ZBTB16: variants seen among roughly 807,000 people sequenced by gnomAD.
ZBTB16 encodes zinc finger and BTB domain containing 16, also known as zinc finger and BTB domain-containing protein 16.
Under a neutral mutation model 56.8 loss-of-function variants are expected in ZBTB16, and 8 were observed. The ratio of observed to expected loss-of-function variants is 0.14; its 90% CI spans 0.08 to 0.25. ZBTB16 has a LOEUF of 0.25. Ranked by LOEUF, ZBTB16 falls within the 10% of genes least tolerant of loss-of-function variation. The probability of loss-of-function intolerance (pLI) is 1.00; values close to 1 mark genes in which losing one functional copy is unlikely to be tolerated. For missense variants in ZBTB16, 625 were observed against 903.0 expected (o/e 0.69, Z 3.95); for synonymous variants, 363 against 368.5 (o/e 0.98, Z 0.17).
intron 2 of ZBTB16, among the ~76,000 whole-genome samples, chr11:114,140,449 T>G (rs1941916320): frequency 6.6e-6 from 1 of 152,212 alleles, no homozygotes; most frequent in Admixed American, 6.5e-5. Context: ...AATAAATACC[T>G]ATCAATCAAT....
intron 2 of ZBTB16, among the ~76,000 whole-genome samples, chr11:114,108,147 C>G (rs544671089): frequency 6.6e-6 from 1 of 152,058 alleles, no homozygotes; most frequent in African/African-American, 2.4e-5. Flanking sequence ...ATTTAAACTT[C>G]TGTGTGTAAG....
chr11:114,068,559 C>A (rs538265918), intron 2 of ZBTB16, among the ~76,000 whole-genome samples: 3 of 152,306 alleles, frequency 2.0e-5, no homozygotes, highest in South Asian at 4.1e-4. Context: ...TCCAATGGGA[C>A]TGACTTACCT....
intron 2 of ZBTB16, among the ~76,000 whole-genome samples, chr11:114,125,301 A>G (rs556167002): frequency 1.3e-5 from 2 of 152,200 alleles, no homozygotes; most frequent in Non-Finnish European, 2.9e-5. Flanking sequence ...GAGAGCACCC[A>G]TATCACCTTA....
At chr11:114,118,485 G>A (rs574537811) in intron 2 of ZBTB16, among the ~76,000 whole-genome samples, 1 of 152,124 alleles carries the variant, frequency 6.6e-6, no homozygotes, top group East Asian at 1.9e-4. Flanking sequence ...CCAGGCTAGA[G>A]TTTTGGGAAG....
At chr11:114,129,807 C>A (rs1048507491) in intron 2 of ZBTB16, among the ~76,000 whole-genome samples, 2 of 152,220 alleles carry the variant, frequency 1.3e-5, no homozygotes, top group Non-Finnish European at 2.9e-5. Flanking sequence ...TATCTCTGTT[C>A]CTATTTCATT....
chr11:114,129,410 C>A (rs1941602523), intron 2 of ZBTB16, among the ~76,000 whole-genome samples: 1 of 152,168 alleles, frequency 6.6e-6, no homozygotes, highest in East Asian at 1.9e-4. Flanking sequence ...AAAACGATGC[C>A]CCTTTGCAGC....
intron 4 of ZBTB16, among the ~76,000 whole-genome samples, chr11:114,235,437 T>C (rs531802858): frequency 6.6e-6 from 1 of 152,338 alleles, no homozygotes; most frequent in African/African-American, 2.4e-5. Flanking sequence ...TCCTCTTCCT[T>C]CCCATCTATT....
At chr11:114,245,439 A>G (rs1203799527) in intron 5 of ZBTB16, among the ~76,000 whole-genome samples, 3 of 152,160 alleles carry the variant, frequency 2.0e-5, no homozygotes, top group African/African-American at 7.2e-5. Flanking sequence ...TCTTCCACCC[A>G]TGAGAAAGTC....
chr11:114,248,835 G>C (rs188535492), intron 6 of ZBTB16, among the ~76,000 whole-genome samples: 11 of 152,308 alleles, frequency 7.2e-5, no homozygotes, highest in African/African-American at 2.6e-4. Flanking sequence ...ATGTGACCTG[G>C]CAGGTGGATC....
intron 2 of ZBTB16, among the ~76,000 whole-genome samples, chr11:114,079,664 T>A: frequency 6.6e-6 from 1 of 152,216 alleles, no homozygotes; most frequent in East Asian, 1.9e-4. Flanking sequence ...ATGGTCAAAA[T>A]AATGCAGTAG....
At chr11:114,237,405 C>G (rs1944614503) in intron 4 of ZBTB16, 1 of 152,250 alleles carries the variant, frequency 6.6e-6, no homozygotes, top group South Asian at 2.1e-4. Flanking sequence ...TGTGGACCAT[C>G]TGACTTCTGA....
rs549094592 is a variant in ZBTB16 at position 114,207,350 on chromosome 11, G to C, written c.1453+20312G>C. 2.4e-4 allele frequency among the ~76,000 whole-genome samples: 37 copies of C among 152,170 alleles called. 1 individual carries two copies. The South Asian group carries it at 6.9e-3, about 28-fold the overall frequency. On this transcript the variant is annotated intron_variant, in intron 4 of 6. Transcript: ENST00000335953. ...ATGGATGTATTTTCAAGCTCCCCAG[G>C]AGATTCCTATGGATAACCAGGGTTT...
chr11:114,204,971 A>T (rs1389700468), intron 4 of ZBTB16, among the ~76,000 whole-genome samples: 1 of 152,214 alleles, frequency 6.6e-6, no homozygotes, highest in Non-Finnish European at 1.5e-5. Flanking sequence ...TGAGGAAAAT[A>T]TAGGCATCAA....
intron 3 of ZBTB16, among the ~76,000 whole-genome samples, chr11:114,176,284 CA>C (rs1462354746): frequency 2.6e-5 from 4 of 152,180 alleles, no homozygotes; most frequent in African/African-American, 9.7e-5. Context: ...CCCATAAAAT[CA>C]TGGCAGAAAC....
chr11:114,223,006 G>A (rs907675992), intron 4 of ZBTB16, among the ~76,000 whole-genome samples: 2 of 152,146 alleles, frequency 1.3e-5, no homozygotes, highest in Non-Finnish European at 2.9e-5. Flanking sequence ...GATAGGGAGT[G>A]TGCACCAGGA....
chr11:114,077,024 A>G (rs182943015), intron 2 of ZBTB16, among the ~76,000 whole-genome samples: 12 of 152,240 alleles, frequency 7.9e-5, no homozygotes. Flanking sequence ...AGTGAAAAAT[A>G]TTTCTGTTTG....
chr11:114,181,824 G>C (rs188705624), intron 3 of ZBTB16, among the ~76,000 whole-genome samples: 599 of 152,078 alleles, frequency 3.9e-3, no homozygotes, highest in Non-Finnish European at 6.0e-3. Context: ...TTTCTTTCCC[G>C]CAATCTATCC....
intron 2 of ZBTB16, among the ~76,000 whole-genome samples, chr11:114,094,542 G>A (rs1940309501): frequency 6.6e-6 from 1 of 152,168 alleles, no homozygotes; most frequent in African/African-American, 2.4e-5. Flanking sequence ...GGCAAACTTG[G>A]GTGTGCAGGC....
At chr11:114,187,599 G>GTCATCACA (rs1389949765) in intron 4 of ZBTB16, 3 of 175,842 alleles carry the variant, frequency 1.7e-5, no homozygotes, top group African/African-American at 7.1e-5. Flanking sequence ...CAGAGTCGTT[G>GTCATCACA]TCATCACATC....
Sources: allele counts gnomAD v4.1 joint callset (sites outside exome capture counted in the v4.1 genomes callset), GRCh38; gene constraint gnomAD v4.1.1; transcripts MANE v1.5; gene names NCBI Gene and HGNC (gene_info 2026-07-23, HGNC 2026-07-21).